The following SERPINI1 variants were observed in gnomAD, a reference collection of about 807,000 sequenced individuals.
SERPINI1 encodes serpin family I member 1.
SERPINI1 carries 19 observed loss-of-function variants against 41.1 expected under a neutral mutation model. The observed-to-expected ratio is 0.46, with a 90% CI of 0.32 to 0.68. The LOEUF is 0.68. SERPINI1 is among the 30% of genes least tolerant of loss of function. The pLI is 0.03. For synonymous variants in SERPINI1, 138 were observed against 156.6 expected (o/e 0.88, Z 0.89); for missense variants, 460 against 479.2 (o/e 0.96, Z 0.37).
chr3:167,794,495 T>G, intron 4 of SERPINI1, 125 bp from the exon 5 acceptor site: 10 of 671,636 alleles, frequency 1.5e-5, no homozygotes, highest in East Asian at 2.8e-5. Flanking sequence ...TGGTGATTTG[T>G]GAGATTTTGT....
intron 6 of SERPINI1, among the ~76,000 whole-genome samples, chr3:167,812,487 G>A (rs1446604235): frequency 2.0e-5 from 3 of 152,160 alleles, no homozygotes; most frequent in African/African-American, 7.2e-5. Context: ...AAGGCATCAT[G>A]ACTACACCAA....
intron 1 of SERPINI1, among the ~76,000 whole-genome samples, chr3:167,748,965 G>A (rs750919244): frequency 1.3e-5 from 2 of 152,052 alleles, no homozygotes; most frequent in Non-Finnish European, 2.9e-5. Flanking sequence ...TTTGAGTCAA[G>A]CAGCAGGAAA....
intron 6 of SERPINI1, among the ~76,000 whole-genome samples, chr3:167,815,488 C>A (rs1042474900): frequency 6.6e-6 from 1 of 151,646 alleles, no homozygotes; most frequent in Non-Finnish European, 1.5e-5. Context: ...CTCCTGGGTT[C>A]GAGCAATTCT....
At chr3:167,745,087 C>A (rs1221508871) in intron 1 of SERPINI1, among the ~76,000 whole-genome samples, 1 of 151,000 alleles carries the variant, frequency 6.6e-6, no homozygotes, top group Non-Finnish European at 1.5e-5. Context: ...GATTAGATAA[C>A]CTAGATGAAG....
rs938730021 is a variant in SERPINI1 at position 167,767,403 on chromosome 3, A to G, written c.-18-21708A>G. ...CTGATCACCCAAGAGCTCTGATGGA[A>G]ATGTACATGGAGATTAATGTTGTCT... On this transcript the variant is annotated intron_variant, in intron 1 of 8. Coordinates refer to ENST00000446050, the MANE Select transcript of SERPINI1 (RefSeq NM_001122752.2). 3.3e-5 allele frequency among the ~76,000 whole-genome samples: 5 copies of G among 152,300 alleles called. No homozygotes were observed. The East Asian group carries it at 7.7e-4, about 24-fold the overall frequency.
At chr3:167,788,994 A>G (rs1200953705) in intron 1 of SERPINI1, 117 bp from the exon 2 acceptor site, 2 of 943,548 alleles carry the variant, frequency 2.1e-6, no homozygotes, top group Non-Finnish European at 3.2e-6. Flanking sequence ...TAGCAGTGTT[A>G]TTTGTTCATT....
Position 167,790,607 on chromosome 3 carries a change from G to T in SERPINI1, c.481+5G>T. ...GGGTGGAGAATAACACAAACAGTATGTCACTTGGTTCCTTTCTTCCTCTAG... is the reference window on the plus strand; with the variant it reads ...GGGTGGAGAATAACACAAACAGTATTTCACTTGGTTCCTTTCTTCCTCTAG... On this transcript the variant is annotated splice_donor_5th_base_variant and intron_variant, in intron 3 of 8. Transcript: ENST00000446050. 6.2e-7 allele frequency: 1 copy of T among 1,601,520 alleles called. No individual in the cohort carries two copies. The highest frequency in any genetic ancestry group is 8.6e-7 in the Non-Finnish European group (1 of 1,169,070).
intron 1 of SERPINI1, among the ~76,000 whole-genome samples, chr3:167,769,587 G>C (rs6808124): frequency 6.6e-6 from 1 of 151,846 alleles, no homozygotes; most frequent in Admixed American, 6.6e-5. Flanking sequence ...TAAAATCCCA[G>C]CCCTAAAGAT....
chr3:167,817,582 TTTTA>T (rs1430954749), intron 6 of SERPINI1, among the ~76,000 whole-genome samples: 2 of 151,700 alleles, frequency 1.3e-5, no homozygotes, highest in South Asian at 2.1e-4. Context: ...TCAATTTTAT[TTTTA>T]TTTATTTATT....
At chr3:167,787,433 TCACCACGAGTAA>T (rs1727351235) in intron 1 of SERPINI1, among the ~76,000 whole-genome samples, 1 of 152,234 alleles carries the variant, frequency 6.6e-6, no homozygotes, top group Admixed American at 6.5e-5. Flanking sequence ...ATCACATGCG[TCACCACGAGTAA>T]AGCTTCTGCC....
intron 1 of SERPINI1, among the ~76,000 whole-genome samples, chr3:167,748,044 T>C (rs1725920385): frequency 6.6e-6 from 1 of 151,900 alleles, no homozygotes; most frequent in Non-Finnish European, 1.5e-5. Flanking sequence ...CTTCTTTATA[T>C]CTTATTTTTC....
At chr3:167,749,447 G>C (rs1401282118) in intron 1 of SERPINI1, among the ~76,000 whole-genome samples, 2 of 152,180 alleles carry the variant, frequency 1.3e-5, no homozygotes, top group Non-Finnish European at 2.9e-5. Context: ...CTACAGTACA[G>C]TAATTGCTAT....
intron 8 of SERPINI1, 140 bp downstream of exon 8, chr3:167,824,702 C>G: frequency 1.6e-6 from 1 of 606,692 alleles, no homozygotes; most frequent in South Asian, 2.1e-5. Context: ...AGAGATTGAC[C>G]AACTGAATTA....
rs112560715 is a variant in SERPINI1, at chr3:167,790,239, G to A, written c.251-133G>A. On this transcript the variant is annotated intron_variant, in intron 2 of 8. Coordinates refer to ENST00000446050, the MANE Select transcript of SERPINI1 (RefSeq NM_001122752.2). ...CAAGTATTGGACCATATCAATGTGG[G>A]GGAAAGCCTGGCACTTTTCCCCCAG... The A allele has an allele frequency of 7.7e-5, 53 of 688,940 alleles. 1 individual carries two copies. Among genetic ancestry groups the A allele is most frequent in the African/African-American group, 6.2e-4 (35 of 56,086 alleles). 42.7% of individuals were successfully genotyped at this position (688,940 alleles called of 1,614,324 possible). A position where few individuals can be genotyped will look rare whatever the true frequency, so the allele number is the denominator to read the frequency against.
At chr3:167,791,564 T>G (rs1025960183) in intron 3 of SERPINI1, among the ~76,000 whole-genome samples, 7 of 152,198 alleles carry the variant, frequency 4.6e-5, no homozygotes, top group Non-Finnish European at 8.8e-5. Flanking sequence ...GGGGTGATAA[T>G]GCATATGAAG....
At chr3:167,773,721 T>C (rs563533827) in intron 1 of SERPINI1, among the ~76,000 whole-genome samples, 85 of 152,322 alleles carry the variant, frequency 5.6e-4, no homozygotes, top group Non-Finnish European at 8.1e-4. Context: ...TAAATAGAAT[T>C]AACAGGCAGG....
intron 6 of SERPINI1, among the ~76,000 whole-genome samples, chr3:167,816,880 G>A (rs78450287): frequency 0.02 from 3,089 of 152,060 alleles, 96 homozygotes; most frequent in African/African-American, 0.069. Context: ...AAATGACAAA[G>A]CGTGCTATGT....
chr3:167,822,996 G>A lies in SERPINI1; in HGVS notation c.990G>A (p.Glu330=). 6.3e-7 allele frequency: 1 copy of A among 1,599,206 alleles called. No homozygotes were observed. Among genetic ancestry groups the A allele is most frequent in the Non-Finnish European group, 8.6e-7 (1 of 1,166,606 alleles). Residue 330 remains glutamate, a synonymous_variant, in exon 7 of 9, where the codon GAG becomes GAA. Transcript: ENST00000446050. ...ATTCTCTTTTTGCAGATAATAAGGAGATTTTTCTTTCCAAAGCAATTCACA... is the reference window on the plus strand; with the variant it reads ...ATTCTCTTTTTGCAGATAATAAGGAAATTTTTCTTTCCAAAGCAATTCACA... ...ANLTGLSDNK[E]IFLSKAIHKS...
intron 5 of SERPINI1, among the ~76,000 whole-genome samples, chr3:167,804,363 A>C (rs1479995546): frequency 6.6e-6 from 1 of 152,208 alleles, no homozygotes; most frequent in East Asian, 1.9e-4. Flanking sequence ...ATGCTAATGA[A>C]ACTTTTTGTT....
Sources: allele counts gnomAD v4.1 joint callset (sites outside exome capture counted in the v4.1 genomes callset), GRCh38; gene constraint gnomAD v4.1.1; transcripts MANE v1.5; gene names NCBI Gene and HGNC (gene_info 2026-07-23, HGNC 2026-07-21).